The following KIAA1217 variants were observed in gnomAD, a reference collection of about 807,000 sequenced individuals.
KIAA1217 encodes sickle tail protein homolog.
A neutral mutation model predicts 163.9 loss-of-function variants in KIAA1217; 88 were observed. That is an observed-to-expected ratio of 0.54 (90% CI 0.45 to 0.64). The LOEUF is 0.64. KIAA1217 is among the 30% of genes least tolerant of loss of function. The pLI, the probability that KIAA1217 is intolerant of heterozygous loss-of-function variation, is 0.00. For missense variants in KIAA1217, 2,372 were observed against 2,475.0 expected, an observed-to-expected ratio of 0.96 and a Z score of 0.88; for synonymous variants, 903 against 923.1, an observed-to-expected ratio of 0.98 and a Z score of 0.39.
At chr10:23,816,318 GA>G (rs1406688512) in intron 1 of KIAA1217, among the ~76,000 whole-genome samples, 1 of 152,060 alleles carries the variant, frequency 6.6e-6, no homozygotes, top group Non-Finnish European at 1.5e-5. Context: ...GTTTGAGGCG[GA>G]ATCTCCTCTG....
At chr10:23,960,029 C>G (rs1180713429) in intron 1 of KIAA1217, among the ~76,000 whole-genome samples, 1 of 151,420 alleles carries the variant, frequency 6.6e-6, no homozygotes, top group Non-Finnish European at 1.5e-5. Flanking sequence ...CATTCTCCTG[C>G]CTCAGCCTCC....
At chr10:24,541,000 C>T (rs1483764948) in intron 17 of KIAA1217, among the ~76,000 whole-genome samples, 11 of 151,852 alleles carry the variant, frequency 7.2e-5, no homozygotes, top group Admixed American at 7.2e-4. Flanking sequence ...AATTTCTGAC[C>T]TCAAGTGATC....
intron 1 of KIAA1217, among the ~76,000 whole-genome samples, chr10:24,211,513 G>A (rs2068085206): frequency 6.6e-6 from 1 of 150,738 alleles, no homozygotes; most frequent in African/African-American, 2.4e-5. Context: ...GGGACTACTG[G>A]GACATGCCAC....
chr10:23,953,663 A>C (rs1378835512), intron 1 of KIAA1217, among the ~76,000 whole-genome samples: 1 of 152,262 alleles, frequency 6.6e-6, no homozygotes, highest in Non-Finnish European at 1.5e-5. Context: ...AAATAAAAGT[A>C]ATAGTAGTTT....
chr10:24,183,129 C>T (rs988964578), intron 2 of KIAA1217, among the ~76,000 whole-genome samples: 1 of 152,202 alleles, frequency 6.6e-6, no homozygotes, highest in Non-Finnish European at 1.5e-5. Flanking sequence ...TCACACATGT[C>T]TGCTTCACCT....
intron 9 of KIAA1217, among the ~76,000 whole-genome samples, chr10:24,502,123 C>G (rs999357254): frequency 2.6e-5 from 4 of 151,484 alleles, no homozygotes; most frequent in African/African-American, 9.7e-5. Context: ...GGAGAAGAGC[C>G]GAAAGGAGAG....
intron 1 of KIAA1217, among the ~76,000 whole-genome samples, chr10:23,996,399 G>C (rs1296759974): frequency 1.3e-5 from 2 of 152,100 alleles, no homozygotes; most frequent in Admixed American, 1.3e-4. Flanking sequence ...TGTGGAAAGG[G>C]GAGCACTGGG....
At chr10:24,116,180 C>G in intron 2 of KIAA1217, among the ~76,000 whole-genome samples, 1 of 152,172 alleles carries the variant, frequency 6.6e-6, no homozygotes, top group Non-Finnish European at 1.5e-5. Flanking sequence ...CAAGAAGCCC[C>G]GTTGTCACAC....
chr10:23,873,682 G>GTCTA (rs1356428041), intron 1 of KIAA1217, among the ~76,000 whole-genome samples: 1 of 151,028 alleles, frequency 6.6e-6, no homozygotes, highest in African/African-American at 2.5e-5. Flanking sequence ...CCTACAAGTT[G>GTCTA]TCTGTTTCTC....
chr10:24,307,110 C>T (rs1025189613), intron 2 of KIAA1217, among the ~76,000 whole-genome samples: 4 of 152,152 alleles, frequency 2.6e-5, no homozygotes, highest in African/African-American at 9.7e-5. Context: ...ACAGAAGGTT[C>T]CTTGAGGTCC....
At position 24,473,326 on chromosome 10, in the gene KIAA1217, G is replaced by A. The variant is rs374292769; in HGVS notation, c.945G>A (p.Pro315=). 3.4e-5 allele frequency: 53 copies of A among 1,579,722 alleles called. No individual in the cohort carries two copies. The highest frequency in any genetic ancestry group is 2.9e-4 in the East Asian group (13 of 44,624). The change falls in exon 6 of 21, where the codon CCG becomes CCA. Residue 315 remains proline, a synonymous_variant. Transcript: ENST00000376454. The part of the protein sequence containing the change: ...HPPHAIPNSP[P]STPVPHSMPP... ...CCCATGCGATTCCAAATTCCCCACC[G>A]TCTACTCCAGTGCCCCATTCCATGC...
intron 1 of KIAA1217, among the ~76,000 whole-genome samples, chr10:23,749,357 C>T (rs10828536): frequency 0.2 from 30,143 of 152,078 alleles, 3,152 homozygotes; most frequent in Middle Eastern, 0.24. Flanking sequence ...CTCCAACTCC[C>T]TTTGTTCTCT....
intron 2 of KIAA1217, among the ~76,000 whole-genome samples, chr10:24,146,880 T>C (rs1237344773): frequency 4.6e-5 from 7 of 152,054 alleles, no homozygotes. Context: ...AAAGAGAAAG[T>C]GTCTTGGAAA....
intron 1 of KIAA1217, among the ~76,000 whole-genome samples, chr10:23,744,717 G>A (rs747954029): frequency 2.0e-5 from 3 of 152,172 alleles, no homozygotes; most frequent in Non-Finnish European, 4.4e-5. Flanking sequence ...AGAACCAATA[G>A]GATGTACTTG....
intron 2 of KIAA1217, among the ~76,000 whole-genome samples, chr10:24,097,080 T>C (rs2062193278): frequency 6.6e-6 from 1 of 152,150 alleles, no homozygotes; most frequent in African/African-American, 2.4e-5. Context: ...GTTAAAAGCA[T>C]TAACATGGCA....
At chr10:23,941,887 T>C (rs992150566) in intron 1 of KIAA1217, among the ~76,000 whole-genome samples, 4 of 152,088 alleles carry the variant, frequency 2.6e-5, no homozygotes, top group African/African-American at 9.7e-5. Context: ...ACATTCATCC[T>C]AAAAATAAAT....
intron 1 of KIAA1217, among the ~76,000 whole-genome samples, chr10:23,769,744 A>G (rs1457162922): frequency 6.6e-6 from 1 of 152,210 alleles, no homozygotes; most frequent in Non-Finnish European, 1.5e-5. Context: ...CAGAATTTCA[A>G]GTCTAGTGAG....
At chr10:23,993,553 C>CT (rs200437343) in intron 1 of KIAA1217, among the ~76,000 whole-genome samples, 1,609 of 68,914 alleles carry the variant, frequency 0.023, 221 homozygotes, top group Admixed American at 0.095. Context: ...CATAGCCCAG[C>CT]TTTTTTTTTT....
chr10:23,927,325 GGTGTGTGT>G (rs57321785), intron 1 of KIAA1217, among the ~76,000 whole-genome samples: 93 of 143,092 alleles, frequency 6.5e-4, no homozygotes, highest in East Asian at 3.3e-3. Flanking sequence ...CAAGTCATAG[GGTGTGTGT>G]GTGTGTGTGT....
Sources: gnomAD v4.1 joint callset for allele counts (sites outside exome capture counted in the v4.1 genomes callset) on GRCh38, gnomAD v4.1.1 for gene constraint, MANE v1.5 for transcripts, NCBI Gene and HGNC (gene_info 2026-07-23, HGNC 2026-07-21) for gene names.